TBC1D9: variants seen among roughly 807,000 people sequenced by gnomAD.
TBC1D9 encodes the protein TBC1 domain family member 9, also known as TBC1 domain family member 9A.
In TBC1D9, 63 loss-of-function variants were observed where a neutral mutation model predicts 132.0. That is an observed-to-expected ratio of 0.48 (90% CI 0.39 to 0.59). The LOEUF (loss-of-function observed/expected upper bound fraction) is 0.59. Ranked by LOEUF, TBC1D9 falls within the 20% of genes least tolerant of loss-of-function variation. The probability of loss-of-function intolerance (pLI) is 0.00; values close to 1 mark genes in which losing one functional copy is unlikely to be tolerated. For synonymous variants in TBC1D9, 610 were observed against 609.9 expected (o/e 1.00, Z 0.00); for missense variants, 1,261 against 1,592.7 (o/e 0.79, Z 3.54).
intron 5 of TBC1D9, among the ~76,000 whole-genome samples, chr4:140,677,657 A>G (rs370580200): frequency 4.6e-5 from 7 of 152,074 alleles, no homozygotes; most frequent in Non-Finnish European, 7.4e-5. Context: ...CTTGCTCATC[A>G]TGTCAGTTGT....
intron 1 of TBC1D9, chr4:140,716,172 G>A (rs1366137405): frequency 1.3e-5 from 2 of 152,180 alleles, no homozygotes; most frequent in East Asian, 1.9e-4. Context: ...CCTGAAGATA[G>A]CTTGAAACCT....
chr4:140,739,306 G>T (rs1258945113), intron 1 of TBC1D9, among the ~76,000 whole-genome samples: 2 of 152,128 alleles, frequency 1.3e-5, no homozygotes, highest in Admixed American at 1.3e-4. Flanking sequence ...TTTAAGACTG[G>T]AACTCACTTT....
At chr4:140,694,582 A>G (rs1177468023) in intron 2 of TBC1D9, among the ~76,000 whole-genome samples, 3 of 151,128 alleles carry the variant, frequency 2.0e-5, no homozygotes, top group African/African-American at 4.8e-5. Context: ...AAAAAAAAAA[A>G]AAAAGAAAAA....
intron 1 of TBC1D9, among the ~76,000 whole-genome samples, chr4:140,711,820 C>G (rs953136669): frequency 1.9e-4 from 29 of 151,974 alleles, no homozygotes; most frequent in African/African-American, 7.0e-4. Flanking sequence ...ATAATATAAC[C>G]TATATTACAA....
At chr4:140,748,108 G>A (rs372479304) in intron 1 of TBC1D9, among the ~76,000 whole-genome samples, 2 of 152,124 alleles carry the variant, frequency 1.3e-5, no homozygotes, top group South Asian at 2.1e-4. Context: ...AAAAGAGCTC[G>A]AGATATTTAA....
At chr4:140,694,199 G>A (rs1225659668) in intron 2 of TBC1D9, among the ~76,000 whole-genome samples, 1 of 152,156 alleles carries the variant, frequency 6.6e-6, no homozygotes, top group Non-Finnish European at 1.5e-5. Flanking sequence ...TACAGTAATA[G>A]TAGGGGAAAA....
chr4:140,632,425 T>C (rs1473453055), intron 16 of TBC1D9, among the ~76,000 whole-genome samples: 1 of 152,274 alleles, frequency 6.6e-6, no homozygotes, highest in East Asian at 1.9e-4. Flanking sequence ...CTTGTGTAAC[T>C]AAAAATTAAT....
intron 2 of TBC1D9, among the ~76,000 whole-genome samples, chr4:140,694,064 G>A (rs896965641): frequency 2.0e-5 from 3 of 151,948 alleles, no homozygotes; most frequent in African/African-American, 4.8e-5. Flanking sequence ...GTTTATTTTT[G>A]CTATTTTAAT....
At chr4:140,647,615 T>C (rs548040459) in intron 13 of TBC1D9, among the ~76,000 whole-genome samples, 42 of 152,352 alleles carry the variant, frequency 2.8e-4, no homozygotes, top group Admixed American at 1.4e-3. Context: ...TTGTAATCTT[T>C]TGCAGGGTGC....
chr4:140,661,071 C>A lies in TBC1D9; in HGVS notation c.1803+822G>T, dbSNP rs146567104. On this transcript the variant is annotated intron_variant, in intron 10 of 20. Transcript: ENST00000442267. ...CTGGGACTACAGGCACCTGCCACCA[C>A]GCCTGGCTAATTTTTTGTATTTTTA... 6.6e-4 allele frequency among the ~76,000 whole-genome samples: 101 copies of A among 152,224 alleles called. 1 individual carries two copies. Among genetic ancestry groups the A allele is most frequent in the African/African-American group, 2.2e-3 (91 of 41,540 alleles).
chr4:140,681,079 A>T (rs576171671), intron 3 of TBC1D9, among the ~76,000 whole-genome samples: 2 of 152,254 alleles, frequency 1.3e-5, no homozygotes, highest in Admixed American at 1.3e-4. Flanking sequence ...TTTGGATCCA[A>T]CCAATGCCGC....
chr4:140,750,958 T>C (rs1035298763), intron 1 of TBC1D9, among the ~76,000 whole-genome samples: 1 of 151,844 alleles, frequency 6.6e-6, no homozygotes, highest in East Asian at 1.9e-4. Context: ...TCACTGTAAA[T>C]TGAGGATATT....
chr4:140,652,093 T>C (rs1737195318), intron 13 of TBC1D9, among the ~76,000 whole-genome samples: 1 of 151,938 alleles, frequency 6.6e-6, no homozygotes, highest in South Asian at 2.1e-4. Flanking sequence ...ACCAAAAGAT[T>C]AGCCAGCCTT....
At chr4:140,666,544 T>C (rs1337275301) in intron 9 of TBC1D9, among the ~76,000 whole-genome samples, 1 of 151,920 alleles carries the variant, frequency 6.6e-6, no homozygotes, top group Non-Finnish European at 1.5e-5. Context: ...TTCACCTTGT[T>C]AGCCAGGATG....
chr4:140,733,661 G>A (rs925684166), intron 1 of TBC1D9, among the ~76,000 whole-genome samples: 3 of 152,214 alleles, frequency 2.0e-5, no homozygotes, highest in African/African-American at 7.2e-5. Context: ...TTTCTACTTT[G>A]AGTGTCCTTG....
chr4:140,732,114 T>C lies in TBC1D9; in HGVS notation c.130+23802A>G, dbSNP rs565610482. Among the ~76,000 whole-genome samples the C allele has an allele frequency of 7.2e-4, 109 of 152,324 alleles. 1 individual carries two copies. Among genetic ancestry groups the C allele is most frequent in the Middle Eastern group, 3.4e-3 (1 of 294 alleles). On this transcript the variant is annotated intron_variant, in intron 1 of 20. Coordinates refer to ENST00000442267, the MANE Select transcript of TBC1D9 (RefSeq NM_015130.3). The stretch of plus-strand genomic sequence containing the variant: ...CAGGCTCTTAACCATAAGTCTATGC[T>C]CACTAGTCTGCTGTCCCTAGAAGTA...
At chr4:140,624,552 A>C (rs187344503) in intron 18 of TBC1D9, among the ~76,000 whole-genome samples, 164 bp from the exon 19 acceptor site, 2 of 152,364 alleles carry the variant, frequency 1.3e-5, no homozygotes, top group African/African-American at 4.8e-5. Context: ...CATTCAGTTA[A>C]ATTTCAATTT....
chr4:140,660,496 A>G (rs1050185683), intron 10 of TBC1D9, among the ~76,000 whole-genome samples: 3 of 152,240 alleles, frequency 2.0e-5, no homozygotes, highest in South Asian at 4.1e-4. Flanking sequence ...CTTTCTTGTA[A>G]GTCTTACTCA....
intron 9 of TBC1D9, among the ~76,000 whole-genome samples, chr4:140,665,150 A>G (rs577426838): frequency 4.6e-5 from 7 of 152,070 alleles, no homozygotes; most frequent in East Asian, 3.9e-4. Context: ...TGACCTAACT[A>G]TAAGAGCTAA....
Sources: gnomAD v4.1 joint callset for allele counts (sites outside exome capture counted in the v4.1 genomes callset) on GRCh38, gnomAD v4.1.1 for gene constraint, MANE v1.5 for transcripts, NCBI Gene and HGNC (gene_info 2026-07-23, HGNC 2026-07-21) for gene names.